KAT14: variants seen among roughly 807,000 people sequenced by gnomAD.
The protein encoded by KAT14 is cysteine-rich protein 2-binding protein.
KAT14 carries 66 observed loss-of-function variants against 78.4 expected under a neutral mutation model. That is an observed-to-expected ratio of 0.84 (90% CI 0.69 to 1.03). KAT14 has a LOEUF of 1.03. KAT14 is among the 50% of genes least tolerant of loss of function. The pLI, the probability that KAT14 is intolerant of heterozygous loss-of-function variation, is 0.00. For synonymous variants in KAT14, 344 were observed against 359.4 expected, an observed-to-expected ratio of 0.96 and a Z score of 0.48; for missense variants, 870 against 972.5, an observed-to-expected ratio of 0.89 and a Z score of 1.40.
intron 1 of KAT14, among the ~76,000 whole-genome samples, chr20:18,141,035 T>TTTTTTA (rs2037538195): frequency 5.1e-5 from 1 of 19,736 alleles, no homozygotes; most frequent in African/African-American, 1.3e-4. Flanking sequence ...TTTTTTTTTT[T>TTTTTTA]TTTTTTTTTT....
chr20:18,151,757 A>G lies in KAT14; in HGVS notation c.500+815A>G, dbSNP rs914734344. On this transcript the variant is annotated intron_variant, in intron 4 of 10. Coordinates refer to ENST00000688188, the MANE Select transcript of KAT14 (RefSeq NM_001392073.1). ...AGTGGCTCATGCCTGTAATCCCAGC[A>G]CTTTGGGAGGCCGAGGTGGGTGGAT... Among the ~76,000 whole-genome samples the G allele has an allele frequency of 7.2e-5, 11 of 151,816 alleles. 1 individual carries two copies. Among genetic ancestry groups the G allele is most frequent in the Non-Finnish European group, 1.3e-4 (9 of 67,956 alleles).
At chr20:18,169,857 G>A (rs1409073222) in intron 7 of KAT14, among the ~76,000 whole-genome samples, 3 of 152,224 alleles carry the variant, frequency 2.0e-5, no homozygotes, top group African/African-American at 7.2e-5. Flanking sequence ...CATTAAAGGT[G>A]CTACTCCAGT....
chr20:18,169,255 G>A (rs1205862968), intron 7 of KAT14, among the ~76,000 whole-genome samples: 1 of 151,984 alleles, frequency 6.6e-6, no homozygotes, highest in East Asian at 1.9e-4. Flanking sequence ...CATATTATAG[G>A]CATATCTTGT....
At chr20:18,156,063 G>C (rs1296130170) in intron 4 of KAT14, among the ~76,000 whole-genome samples, 1 of 152,200 alleles carries the variant, frequency 6.6e-6, no homozygotes, top group South Asian at 2.1e-4. Flanking sequence ...TCTTAAAAAG[G>C]AAGGACATTC....
At chr20:18,143,119 GTTAAA>G (rs1274008096) in intron 2 of KAT14, 200 bp downstream of exon 2, 6 of 1,324,262 alleles carry the variant, frequency 4.5e-6, no homozygotes, top group Admixed American at 6.4e-5. Flanking sequence ...CTATCACATT[GTTAAA>G]TTAACACTTT....
At chr20:18,141,047 A>ATTAT (rs2037548099) in intron 1 of KAT14, among the ~76,000 whole-genome samples, 1 of 92,842 alleles carries the variant, frequency 1.1e-5, no homozygotes, top group Non-Finnish European at 1.9e-5. Context: ...TTTTTTTTTT[A>ATTAT]TTTTTATTTT....
At chr20:18,138,272 A>G in intron 1 of KAT14, 1 of 1,222,884 alleles carries the variant, frequency 8.2e-7, no homozygotes, top group Non-Finnish European at 1.0e-6. Context: ...CAGATTCAGG[A>G]CGACCCGGCT....
Position 18,159,280 on chromosome 20 carries a change from A to G in KAT14, c.682+15A>G. The G allele has an allele frequency of 6.2e-7, 1 of 1,611,664 alleles. No individual in the cohort carries two copies. Among genetic ancestry groups the G allele is most frequent in the Non-Finnish European group, 8.5e-7 (1 of 1,179,326 alleles). ...GAAAATAAAAGGTACTGTTGTGAGA[A>G]CAGTACAAAAGTTGCTAGTCAGACC... On this transcript the variant is annotated intron_variant, in intron 5 of 10. Transcript: ENST00000688188.
intron 1 of KAT14, among the ~76,000 whole-genome samples, chr20:18,141,047 A>T (rs6136308): frequency 0.42 from 37,783 of 90,938 alleles, 7,617 homozygotes; most frequent in East Asian, 0.57. Flanking sequence ...TTTTTTTTTT[A>T]TTTTTATTTT....
chr20:18,162,159 CCT>C lies in KAT14; in HGVS notation c.1023_1024del (p.His342PhefsTer5). 1.2e-6 allele frequency: 2 copies of C among 1,614,232 alleles called. No individual in the cohort carries two copies. Among genetic ancestry groups the C allele is most frequent in the African/African-American group, 1.3e-5 (1 of 75,060 alleles). On this transcript the variant is annotated frameshift_variant, in exon 6 of 11. Transcript: ENST00000688188. LOFTEE classifies it high-confidence loss of function. ...GATTTCTCTGCCCCTGGTACACCTGCCTCTCATTCTGCCACACCTAGCTTGCT... is the reference window on the plus strand; with the variant it reads ...GATTTCTCTGCCCCTGGTACACCTGCCTCATTCTGCCACACCTAGCTTGCT...
intron 7 of KAT14, among the ~76,000 whole-genome samples, chr20:18,166,087 C>T (rs996817887): frequency 6.6e-6 from 1 of 152,110 alleles, no homozygotes; most frequent in Non-Finnish European, 1.5e-5. Context: ...ATCGGTGCTG[C>T]GAAGAAAAGT....
chr20:18,142,190 T>G lies in KAT14; in HGVS notation c.-453-18T>G. ...ACCTGTTCGGGATGTTACTGAAATC[T>G]GTTTCTTACGTTTTTAGAGGCTTCG... On this transcript the variant is annotated intron_variant, in intron 1 of 10. Coordinates refer to ENST00000688188, the MANE Select transcript of KAT14 (RefSeq NM_001392073.1). 1.3e-6 allele frequency: 2 copies of G among 1,534,548 alleles called. No individual in the cohort carries two copies. The highest frequency in any genetic ancestry group is 1.7e-4 in the Middle Eastern group (1 of 5,982).
At chr20:18,139,934 A>G (rs1285946059) in intron 1 of KAT14, among the ~76,000 whole-genome samples, 2 of 152,160 alleles carry the variant, frequency 1.3e-5, no homozygotes, top group African/African-American at 4.8e-5. Flanking sequence ...CCAGAGTTCT[A>G]GGTGTTAGGG....
rs148533084 is a variant in KAT14, at chr20:18,151,477, G to A, written c.500+535G>A. ...TTCCCAAAGTGCTTGGATTACAGGCGTGAGCCACTGCGCCTGGCCTTATAT... is the reference window on the plus strand; with the variant it reads ...TTCCCAAAGTGCTTGGATTACAGGCATGAGCCACTGCGCCTGGCCTTATAT... On this transcript the variant is annotated intron_variant, in intron 4 of 10. Coordinates refer to ENST00000688188, the MANE Select transcript of KAT14 (RefSeq NM_001392073.1). Among the ~76,000 whole-genome samples the A allele has an allele frequency of 4.9e-3, 744 of 151,472 alleles. 8 individuals are homozygous for A. The highest frequency in any genetic ancestry group is 0.017 in the African/African-American group (683 of 41,260).
At chr20:18,178,863 C>T (rs1019291207) in intron 7 of KAT14, among the ~76,000 whole-genome samples, 1 of 152,158 alleles carries the variant, frequency 6.6e-6, no homozygotes, top group Non-Finnish European at 1.5e-5. Context: ...AGTCCATAGT[C>T]CCAAGTCTCA....
At chr20:18,171,655 T>C (rs1319175498) in intron 7 of KAT14, among the ~76,000 whole-genome samples, 2 of 151,934 alleles carry the variant, frequency 1.3e-5, no homozygotes, top group African/African-American at 4.8e-5. Context: ...TTACTGAAAA[T>C]ACAAAAATTA....
In KAT14 at chr20:18,137,936, C is replaced by G; in HGVS notation, c.-569C>G. The G allele has an allele frequency of 6.8e-7, 1 of 1,477,810 alleles. No individual in the cohort carries two copies. Among genetic ancestry groups the G allele is most frequent in the Non-Finnish European group, 8.9e-7 (1 of 1,121,758 alleles). The allele number at this position is 1,477,810 out of a possible 1,614,324, so 91.5% of individuals were successfully genotyped here. A position where few individuals can be genotyped will look rare whatever the true frequency, so the allele number is the denominator to read the frequency against. On this transcript the variant is annotated 5_prime_UTR_variant, in exon 1 of 11. Transcript: ENST00000688188. The stretch of plus-strand genomic sequence containing the variant: ...GCCTCGGGCGGGCGGGAGAGAGAGG[C>G]CGCGGCCGCCAGCGTGGGGATGTCT...
chr20:18,166,310 A>G (rs1464827659), intron 7 of KAT14, among the ~76,000 whole-genome samples: 2 of 152,214 alleles, frequency 1.3e-5, no homozygotes, highest in Non-Finnish European at 2.9e-5. Context: ...CCGATTTGCT[A>G]ATAGCCTAAA....
At chr20:18,138,363 C>T (rs1937882576) in intron 1 of KAT14, 2 of 1,075,262 alleles carry the variant, frequency 1.9e-6, no homozygotes, top group Non-Finnish European at 2.3e-6. Context: ...TTGGGGTGCC[C>T]AGTGGCTCTG....
Sources: allele counts gnomAD v4.1 joint callset (sites outside exome capture counted in the v4.1 genomes callset), GRCh38; gene constraint gnomAD v4.1.1; transcripts MANE v1.5; gene names NCBI Gene and HGNC (gene_info 2026-07-23, HGNC 2026-07-21).